Variants in YWHAG observed in about 807,000 individuals in gnomAD.
YWHAG encodes the protein 14-3-3 protein gamma.
In YWHAG, 1 loss-of-function variant was observed where a neutral mutation model predicts 23.3. That is an observed-to-expected ratio of 0.04 (90% CI 0.02 to 0.20). The LOEUF is 0.20. Ranked by LOEUF, YWHAG falls within the 10% of genes least tolerant of loss-of-function variation. YWHAG has a pLI of 1.00. For synonymous variants in YWHAG, 160 were observed against 144.0 expected (o/e 1.11, Z -0.80); for missense variants, 151 against 338.6 (o/e 0.45, Z 4.35).
intron 1 of YWHAG, among the ~76,000 whole-genome samples, chr7:76,355,928 T>C (rs902626699): frequency 6.6e-6 from 1 of 152,240 alleles, no homozygotes; most frequent in Non-Finnish European, 1.5e-5. Flanking sequence ...TTCACTCTCC[T>C]TCAATACAAG....
chr7:76,348,421 ATTTT>A (rs35576700), intron 1 of YWHAG, among the ~76,000 whole-genome samples: 2 of 130,946 alleles, frequency 1.5e-5, no homozygotes, highest in Non-Finnish European at 3.3e-5. Context: ...ATGCCCGCTA[ATTTT>A]TTTTTTTTTT....
Position 76,327,037 on chromosome 7 carries a change from G to A in YWHAG, c.*2540C>T, listed in dbSNP as rs1265690787. On this transcript the variant is annotated 3_prime_UTR_variant, in exon 2 of 2. Coordinates refer to ENST00000307630, the MANE Select transcript of YWHAG (RefSeq NM_012479.4). ...TTTGTTGTTCTCCAACACTGTAATA[G>A]TTATAATTTCACCATGACAAACACC... The A allele has an allele frequency of 6.6e-6, 1 of 152,586 alleles. No individual in the cohort carries two copies. Among genetic ancestry groups the A allele is most frequent in the Admixed American group, 6.6e-5 (1 of 15,266 alleles). The allele number at this position is 152,586 out of a possible 1,614,324, so 9.5% of individuals were successfully genotyped here. A position where few individuals can be genotyped will look rare whatever the true frequency, so the allele number is the denominator to read the frequency against.
At chr7:76,349,802 T>C (rs1239244370) in intron 1 of YWHAG, among the ~76,000 whole-genome samples, 1 of 152,172 alleles carries the variant, frequency 6.6e-6, no homozygotes, top group Non-Finnish European at 1.5e-5. Flanking sequence ...GAGATCAGCC[T>C]GGCTAACATG....
intron 1 of YWHAG, among the ~76,000 whole-genome samples, chr7:76,356,138 A>G (rs1334259985): frequency 6.6e-6 from 1 of 152,236 alleles, no homozygotes; most frequent in Non-Finnish European, 1.5e-5. Flanking sequence ...GCCTTAAAAG[A>G]GAGCTCACTT....
chr7:76,352,180 T>C (rs1325722220), intron 1 of YWHAG, among the ~76,000 whole-genome samples: 1 of 152,246 alleles, frequency 6.6e-6, no homozygotes, highest in Non-Finnish European at 1.5e-5. Flanking sequence ...AGGCATTTTG[T>C]TTCCCAGATC....
At chr7:76,358,587 C>T in intron 1 of YWHAG, 135 bp downstream of exon 1, 1 of 895,418 alleles carries the variant, frequency 1.1e-6, no homozygotes, top group Admixed American at 3.2e-5. Flanking sequence ...GGGACCCTCC[C>T]CAGCCCCCCT....
intron 1 of YWHAG, among the ~76,000 whole-genome samples, chr7:76,336,065 C>A (rs1402444859): frequency 6.6e-6 from 1 of 152,226 alleles, no homozygotes; most frequent in Admixed American, 6.5e-5. Flanking sequence ...GAACTACAGG[C>A]ATGCACCACC....
intron 1 of YWHAG, among the ~76,000 whole-genome samples, chr7:76,338,733 T>C (rs1446950790): frequency 6.6e-6 from 1 of 152,060 alleles, no homozygotes; most frequent in South Asian, 2.1e-4. Context: ...AGGAAAACAA[T>C]AGGAAAAATG....
rs1193909540 is a variant in YWHAG at position 76,332,545 on chromosome 7, T to C, written c.88-2312A>G. Among the ~76,000 whole-genome samples, 5 of 152,154 alleles carry C rather than the reference T, an allele frequency of 3.3e-5. No individual in the cohort carries two copies. In the East Asian group the frequency reaches 9.6e-4, roughly 29 times the overall value. On this transcript the variant is annotated intron_variant, in intron 1 of 1. Coordinates refer to ENST00000307630, the MANE Select transcript of YWHAG (RefSeq NM_012479.4). ...GTCTTTTTTTGTTCTTTTTGAGACA[T>C]GGTCTTACTCTGTTTCCCAAGCTGA...
intron 1 of YWHAG, among the ~76,000 whole-genome samples, chr7:76,334,239 A>G (rs977320840): frequency 2.6e-5 from 4 of 152,202 alleles, no homozygotes; most frequent in Non-Finnish European, 5.9e-5. Flanking sequence ...TTAAATTAAA[A>G]TAAGAGATCC....
intron 1 of YWHAG, among the ~76,000 whole-genome samples, chr7:76,341,780 T>C (rs1034292480): frequency 3.9e-5 from 6 of 152,206 alleles, no homozygotes; most frequent in Admixed American, 3.9e-4. Flanking sequence ...GGGTTTCTTT[T>C]TGGGTTGATG....
At chr7:76,332,793 C>G (rs912776995) in intron 1 of YWHAG, among the ~76,000 whole-genome samples, 8 of 151,380 alleles carry the variant, frequency 5.3e-5, no homozygotes, top group African/African-American at 1.9e-4. Flanking sequence ...TGCAACCTCC[C>G]CCCAAGTTCA....
At chr7:76,338,148 G>A (rs1184058732) in intron 1 of YWHAG, among the ~76,000 whole-genome samples, 1 of 152,132 alleles carries the variant, frequency 6.6e-6, no homozygotes. Context: ...TCTACACGGA[G>A]AAAATACAAC....
Position 76,329,509 on chromosome 7 carries a change from C to CCACA in YWHAG, c.*67_*68insTGTG. 6.3e-6 allele frequency: 9 copies of CCACA among 1,421,526 alleles called. No individual in the cohort carries two copies. The highest frequency in any genetic ancestry group is 1.4e-5 in the African/African-American group (1 of 69,394). The allele number at this position is 1,421,526 out of a possible 1,614,324, so 88.1% of individuals were successfully genotyped here. A position where few individuals can be genotyped will look rare whatever the true frequency, so the allele number is the denominator to read the frequency against. ...CCCTTTCCCTCCCCCACCCGACCCC[C>CCACA]AACTCATGGGAAAAAAATAAAGACT... On this transcript the variant is annotated 3_prime_UTR_variant, in exon 2 of 2. Transcript: ENST00000307630. The surrounding 1 kb of genome is among the most constrained non-coding windows in gnomAD (Gnocchi z 6.1).
intron 1 of YWHAG, among the ~76,000 whole-genome samples, chr7:76,336,585 G>T (rs904759865): frequency 6.6e-6 from 1 of 151,082 alleles, no homozygotes; most frequent in Non-Finnish European, 1.5e-5. Flanking sequence ...CTCCAAAGTA[G>T]CTGGGATTAC....
chr7:76,346,198 G>A (rs1299560865), intron 1 of YWHAG, among the ~76,000 whole-genome samples: 5 of 152,214 alleles, frequency 3.3e-5, no homozygotes, highest in South Asian at 4.1e-4. Flanking sequence ...CCTGATGACC[G>A]CTCTTTCCTG....
At chr7:76,351,446 C>A (rs1231142545) in intron 1 of YWHAG, among the ~76,000 whole-genome samples, 2 of 152,142 alleles carry the variant, frequency 1.3e-5, no homozygotes, top group African/African-American at 4.8e-5. Flanking sequence ...TACACAGATA[C>A]AAGACCCAAT....
At chr7:76,336,410 A>G (rs1342619420) in intron 1 of YWHAG, among the ~76,000 whole-genome samples, 1 of 150,486 alleles carries the variant, frequency 6.6e-6, no homozygotes, top group Non-Finnish European at 1.5e-5. Flanking sequence ...GAACTCCATT[A>G]AATTTTACTG....
intron 1 of YWHAG, among the ~76,000 whole-genome samples, chr7:76,342,539 T>C (rs969784510): frequency 3.3e-5 from 5 of 152,308 alleles, no homozygotes; most frequent in Admixed American, 1.3e-4. Flanking sequence ...CCTTAAGATC[T>C]TTCTCTCTTG....
Sources: gnomAD v4.1 joint callset for allele counts (sites outside exome capture counted in the v4.1 genomes callset) on GRCh38, gnomAD v4.1.1 for gene constraint, Gnocchi (gnomAD v3.1) non-coding constraint, MANE v1.5 for transcripts, NCBI Gene and HGNC (gene_info 2026-07-23, HGNC 2026-07-21) for gene names.